The following TENM1 variants were observed in gnomAD, a reference collection of about 807,000 sequenced individuals.
TENM1 encodes the protein teneurin-1.
A neutral mutation model predicts 174.8 loss-of-function variants in TENM1; 35 were observed. The observed-to-expected ratio is 0.20, with a 90% CI of 0.15 to 0.27. The LOEUF (loss-of-function observed/expected upper bound fraction) is 0.27. Ranked by LOEUF, TENM1 falls within the 10% of genes least tolerant of loss-of-function variation. The probability of loss-of-function intolerance (pLI) is 1.00; values close to 1 mark genes in which losing one functional copy is unlikely to be tolerated. For missense variants in TENM1, 1,633 were observed against 2,130.1 expected (o/e 0.77, Z 4.59); for synonymous variants, 781 against 798.7 (o/e 0.98, Z 0.37).
chrX:124,843,813 G>C (rs934987477), intron 3 of TENM1, among the ~76,000 whole-genome samples: 1 of 111,259 alleles, frequency 9.0e-6, no homozygotes, highest in South Asian at 3.8e-4. Context: ...GTATCATTTG[G>C]TGCTTGTAGT....
At chrX:124,727,547 C>A (rs1213049468) in intron 4 of TENM1, among the ~76,000 whole-genome samples, 1 of 111,688 alleles carries the variant, frequency 9.0e-6, no homozygotes, top group Non-Finnish European at 1.9e-5. Context: ...GGGAACTATT[C>A]CAGTGCTCTG....
intron 20 of TENM1, among the ~76,000 whole-genome samples, chrX:124,489,552 G>A (rs958007443): frequency 1.8e-5 from 2 of 110,988 alleles, no homozygotes; most frequent in Non-Finnish European, 3.8e-5. Flanking sequence ...TCAGCTCCAG[G>A]CAACCACAAG....
chrX:125,079,050 T>A, the TENM1 span, among the ~76,000 whole-genome samples: 2 of 111,969 alleles, frequency 1.8e-5, no homozygotes, highest in African/African-American at 6.5e-5. Context: ...GATTCAAATA[T>A]GTTTCTAAAG....
chrX:124,445,783 C>T (rs1473516517), intron 23 of TENM1, among the ~76,000 whole-genome samples: 1 of 112,213 alleles, frequency 8.9e-6, no homozygotes, highest in Admixed American at 9.4e-5. Context: ...AACTTGCTAT[C>T]CCATCAAGAA....
At chrX:124,440,065 A>G (rs1371781035) in intron 23 of TENM1, among the ~76,000 whole-genome samples, 5 of 111,430 alleles carry the variant, frequency 4.5e-5, no homozygotes, top group African/African-American at 1.6e-4. Flanking sequence ...TCTACCCTAA[A>G]GGCCTGATTT....
At chrX:125,189,657 T>C in the TENM1 span, among the ~76,000 whole-genome samples, 5 of 111,794 alleles carry the variant, frequency 4.5e-5, no homozygotes, top group Admixed American at 2.8e-4. Flanking sequence ...CAGCCTCTTA[T>C]AACAAAACGG....
chrX:124,419,899 A>G (rs1409428866), intron 25 of TENM1, among the ~76,000 whole-genome samples: 1 of 112,113 alleles, frequency 8.9e-6, no homozygotes, highest in Admixed American at 9.5e-5. Flanking sequence ...TCATTTATTC[A>G]TTCATTAAAC....
chrX:124,698,702 T>C (rs1203810194), intron 5 of TENM1, among the ~76,000 whole-genome samples: 2 of 111,671 alleles, frequency 1.8e-5, no homozygotes, highest in Admixed American at 9.6e-5. Context: ...TAAAATGCCT[T>C]CCATAATCAG....
At chrX:124,880,489 T>A (rs746628334) in intron 3 of TENM1, among the ~76,000 whole-genome samples, 38 of 112,168 alleles carry the variant, frequency 3.4e-4, no homozygotes, top group South Asian at 7.3e-4. Flanking sequence ...TTTGACTACT[T>A]CTTTTTCAAA....
At chrX:124,740,767 T>A (rs1283093576) in intron 3 of TENM1, among the ~76,000 whole-genome samples, 1 of 111,358 alleles carries the variant, frequency 9.0e-6, no homozygotes, top group East Asian at 2.8e-4. Context: ...ATACTTGGGA[T>A]CCATGAAATG....
rs181639843 is a variant in TENM1, at chrX:124,405,073, C to T, written c.5349G>A (p.Glu1783=). 4.4e-4 allele frequency: 536 copies of T among 1,209,693 alleles called. 4 individuals are homozygous for T. In the Admixed American group the frequency reaches 0.011, roughly 25 times the overall value. ...AAGCCGAAACATTGCCTTTGTTTTG[C>T]TCCTTCCTCTGCCGCCACTCGATGA... The change falls in exon 27 of 32, where the codon GAG becomes GAA. Residue 1783 remains glutamate (E), a synonymous_variant. Transcript: ENST00000422452.
At chrX:124,679,192 G>A (rs755955172) in intron 5 of TENM1, among the ~76,000 whole-genome samples, 22 of 112,121 alleles carry the variant, frequency 2.0e-4, no homozygotes, top group Non-Finnish European at 3.8e-4. Flanking sequence ...GTCCTGCTTC[G>A]CAGCATGCCA....
intron 23 of TENM1, among the ~76,000 whole-genome samples, chrX:124,439,532 A>G (rs2060881273): frequency 1.8e-5 from 2 of 111,686 alleles, no homozygotes; most frequent in Admixed American, 9.5e-5. Context: ...AGGGAGACAA[A>G]ACATTCTGGG....
chrX:125,035,527 A>G, the TENM1 span, among the ~76,000 whole-genome samples: 1 of 111,220 alleles, frequency 9.0e-6, no homozygotes, highest in African/African-American at 3.3e-5. Context: ...CCAACATCCA[A>G]AACTCTGCTC....
chrX:124,983,247 T>A, the TENM1 span, among the ~76,000 whole-genome samples: 5 of 111,559 alleles, frequency 4.5e-5, no homozygotes, highest in African/African-American at 1.6e-4. Flanking sequence ...TTTAAAGTAA[T>A]CTATGTTAAG....
chrX:124,855,360 A>C (rs1193172830), intron 3 of TENM1, among the ~76,000 whole-genome samples: 1 of 111,398 alleles, frequency 9.0e-6, no homozygotes, highest in Non-Finnish European at 1.9e-5. Context: ...GTATATACAC[A>C]AAACCAATTT....
At chrX:124,946,917 C>T (rs1449268030) in intron 1 of TENM1, among the ~76,000 whole-genome samples, 1 of 95,966 alleles carries the variant, frequency 1.0e-5, no homozygotes, top group African/African-American at 4.6e-5. Flanking sequence ...AGAAGTGAAG[C>T]TGTAAAACTG....
At chrX:124,735,793 A>AG (rs778048890) in intron 4 of TENM1, among the ~76,000 whole-genome samples, 1 of 111,863 alleles carries the variant, frequency 8.9e-6, no homozygotes, top group Admixed American at 9.5e-5. Flanking sequence ...ACATGGATAG[A>AG]GCTGTAGGCC....
intron 22 of TENM1, among the ~76,000 whole-genome samples, chrX:124,466,050 A>G (rs1233448362): frequency 1.8e-5 from 2 of 111,624 alleles, no homozygotes; most frequent in Non-Finnish European, 3.8e-5. Context: ...GGCCATTGAC[A>G]CTAGTGTGTT....
Sources: gnomAD v4.1 joint callset for allele counts (sites outside exome capture counted in the v4.1 genomes callset) on GRCh38, gnomAD v4.1.1 for gene constraint, MANE v1.5 for transcripts, NCBI Gene and HGNC (gene_info 2026-07-23, HGNC 2026-07-21) for gene names.